The following C10orf90 variants were observed in gnomAD, a reference collection of about 807,000 sequenced individuals.
The protein encoded by C10orf90 is chromosome 10 open reading frame 90, also known as (E2-independent) E3 ubiquitin-conjugating enzyme FATS.
In C10orf90, 56 loss-of-function variants were observed where a neutral mutation model predicts 62.5. The ratio of observed to expected loss-of-function variants is 0.90; its 90% CI spans 0.72 to 1.12. The LOEUF is 1.12. Ranked by LOEUF, C10orf90 falls within the 50% of genes most tolerant of loss-of-function variation. C10orf90 has a pLI of 0.00. For missense variants in C10orf90, 970 were observed against 880.4 expected (o/e 1.10, Z -1.29); for synonymous variants, 386 against 340.4 (o/e 1.13, Z -1.47).
intron 2 of C10orf90, among the ~76,000 whole-genome samples, chr10:126,583,774 C>T (rs1420850232): frequency 1.3e-5 from 2 of 152,152 alleles, no homozygotes; most frequent in South Asian, 2.1e-4. Context: ...TGCTCACATT[C>T]CCAGTGCCAA....
intron 4 of C10orf90, among the ~76,000 whole-genome samples, chr10:126,467,279 C>A (rs1860343607): frequency 6.6e-6 from 1 of 152,180 alleles, no homozygotes; most frequent in African/African-American, 2.4e-5. Flanking sequence ...AAGAAATATG[C>A]AGCCAAAGAA....
intron 2 of C10orf90, among the ~76,000 whole-genome samples, chr10:126,596,917 GACAT>G (rs1268225218): frequency 6.6e-6 from 1 of 152,102 alleles, no homozygotes; most frequent in African/African-American, 2.4e-5. Flanking sequence ...ACTTCATAAA[GACAT>G]ACAAATGACA....
chr10:126,428,108 C>T lies in C10orf90; in HGVS notation c.2252+1679G>A, dbSNP rs1318007720. Among the ~76,000 whole-genome samples the T allele has an allele frequency of 1.3e-5, 2 of 152,062 alleles. 1 individual carries two copies. The highest frequency in any genetic ancestry group is 4.2e-4 in the South Asian group (2 of 4,812). On this transcript the variant is annotated intron_variant, in intron 8 of 9. Transcript: ENST00000488181. The stretch of plus-strand genomic sequence containing the variant: ...ATCTATCTATTCGTCACAGAAGGGG[C>T]TCACAGACATAAAGTGAAAAGCAAG...
chr10:126,483,268 G>A (rs913646398), intron 4 of C10orf90, among the ~76,000 whole-genome samples: 1 of 152,198 alleles, frequency 6.6e-6, no homozygotes, highest in African/African-American at 2.4e-5. Context: ...TTCATACTTG[G>A]CATTCTGGTC....
At chr10:126,637,377 C>T (rs938428672) in intron 2 of C10orf90, among the ~76,000 whole-genome samples, 22 of 152,328 alleles carry the variant, frequency 1.4e-4, no homozygotes, top group African/African-American at 5.1e-4. Flanking sequence ...GCTCCTACCT[C>T]CCACCAGCCA....
intron 2 of C10orf90, among the ~76,000 whole-genome samples, chr10:126,522,260 C>T (rs4962572): frequency 0.89 from 134,809 of 152,002 alleles, 59,964 homozygotes; most frequent in African/African-American, 0.96. Flanking sequence ...AAGAGTGAAA[C>T]TCCATTTCAA....
At chr10:126,576,382 A>G (rs1303978688) in intron 2 of C10orf90, among the ~76,000 whole-genome samples, 1 of 151,084 alleles carries the variant, frequency 6.6e-6, no homozygotes, top group Non-Finnish European at 1.5e-5. Flanking sequence ...ATCTCACTCT[A>G]GTTAAAATGG....
chr10:126,445,805 G>GTATATATATATATA lies in C10orf90; in HGVS notation c.2188+13221_2188+13234dup, dbSNP rs71029302. Among the ~76,000 whole-genome samples the GTATATATATATATA allele has an allele frequency of 3.9e-3, 388 of 100,720 alleles. 6 individuals are homozygous for GTATATATATATATA. Among genetic ancestry groups the GTATATATATATATA allele is most frequent in the African/African-American group, 0.011 (290 of 25,734 alleles). 66.1% of individuals were successfully genotyped at this position (100,720 alleles called of 152,430 possible). A position where few individuals can be genotyped will look rare whatever the true frequency, so the allele number is the denominator to read the frequency against. Reference sequence around the variant, plus strand: ...AATGAGTAGATAAAGAAACTGTGGTGTATATATATATATATATATATACAA... The same window carrying GTATATATATATATA: ...AATGAGTAGATAAAGAAACTGTGGTGTATATATATATATATATATATATATATATATATATACAA... On this transcript the variant is annotated intron_variant, in intron 7 of 9. Transcript: ENST00000488181.
intron 4 of C10orf90, among the ~76,000 whole-genome samples, chr10:126,472,765 C>T (rs1488124474): frequency 6.6e-6 from 1 of 152,160 alleles, no homozygotes; most frequent in Non-Finnish European, 1.5e-5. Context: ...GAAATGTCTG[C>T]TCAGGACCAG....
intron 2 of C10orf90, among the ~76,000 whole-genome samples, chr10:126,518,268 C>A (rs955426416): frequency 2.6e-5 from 4 of 152,290 alleles, no homozygotes; most frequent in African/African-American, 7.2e-5. Context: ...CACATACTGA[C>A]CTGCAGACCT....
Position 126,626,128 on chromosome 10 carries a change from C to CAAAAAA in C10orf90, c.313+20431_313+20436dup, listed in dbSNP as rs35587001. On this transcript the variant is annotated intron_variant, in intron 2 of 9. Transcript: ENST00000488181. ...TGGGCAACACAGCGAGATTCCATCT[C>CAAAAAA]AAAAAAAAAAAAAAAAAAAAGTGAG... Among the ~76,000 whole-genome samples the CAAAAAA allele has an allele frequency of 2.6e-3, 288 of 109,878 alleles. 2 individuals are homozygous for CAAAAAA. Among genetic ancestry groups the CAAAAAA allele is most frequent in the African/African-American group, 9.6e-3 (278 of 29,064 alleles). The allele number at this position is 109,878 out of a possible 152,430, so 72.1% of individuals were successfully genotyped here. A position where few individuals can be genotyped will look rare whatever the true frequency, so the allele number is the denominator to read the frequency against.
intron 4 of C10orf90, among the ~76,000 whole-genome samples, chr10:126,475,367 C>T (rs1860802490): frequency 6.6e-6 from 1 of 152,100 alleles, no homozygotes; most frequent in African/African-American, 2.4e-5. Context: ...CAGGATGGTC[C>T]ACACACAAGC....
At chr10:126,516,163 T>G (rs1863428410) in intron 2 of C10orf90, among the ~76,000 whole-genome samples, 1 of 152,232 alleles carries the variant, frequency 6.6e-6, no homozygotes, top group South Asian at 2.1e-4. Context: ...ATGGGCTGTG[T>G]ACCCTTTCTG....
intron 1 of C10orf90, among the ~76,000 whole-genome samples, chr10:126,657,620 CTTTTTTTTTTTT>C (rs1846422372): frequency 8.3e-6 from 1 of 120,296 alleles, no homozygotes; most frequent in African/African-American, 3.0e-5. Context: ...TTTTTTTTTT[CTTTTTTTTTTTT>C]GAGACAGAGT....
At chr10:126,437,130 G>T (rs141716779) in intron 7 of C10orf90, among the ~76,000 whole-genome samples, 153 of 152,234 alleles carry the variant, frequency 1.0e-3, no homozygotes, top group South Asian at 1.9e-3. Flanking sequence ...CTCTTTACAG[G>T]GGTTTTGTGT....
chr10:126,439,517 T>G (rs1858161071), intron 7 of C10orf90, among the ~76,000 whole-genome samples: 1 of 152,018 alleles, frequency 6.6e-6, no homozygotes, highest in African/African-American at 2.4e-5. Context: ...TCAAAATAAT[T>G]GTTTTAAGGA....
intron 2 of C10orf90, among the ~76,000 whole-genome samples, chr10:126,640,789 C>G (rs1291510901): frequency 6.6e-6 from 1 of 152,202 alleles, no homozygotes; most frequent in African/African-American, 2.4e-5. Context: ...TGGAGAAAAA[C>G]CCAGAAGGAT....
At position 126,504,179 on chromosome 10, in the gene C10orf90, C is replaced by A. The variant is rs758969219; in HGVS notation, c.1312G>T (p.Glu438Ter). ...GATGGGGTTTCCTTCAAGTGACTTT[C>A]TTGTAAACCTGGGTTCCAGCGCTGG... ...VGQRWNPGLQ[E>*]SHLKETPSLR... Residue 438 changes from glutamate (E) to a stop codon, truncating the protein, a stop_gained, in exon 4 of 10, where the codon GAA (glutamate) becomes TAA (stop). Transcript: ENST00000488181. LOFTEE classifies it high-confidence loss of function. The surrounding 1 kb of genome is among the most constrained non-coding windows in gnomAD (Gnocchi z 4.1). 3 of 1,614,146 alleles carry A rather than the reference C, an allele frequency of 1.9e-6. No homozygotes were observed. Among genetic ancestry groups the A allele is most frequent in the Non-Finnish European group, 2.5e-6 (3 of 1,180,030 alleles).
intron 3 of C10orf90, among the ~76,000 whole-genome samples, chr10:126,507,356 C>CAAAAA (rs1204374185): frequency 5.8e-5 from 4 of 69,026 alleles, no homozygotes; most frequent in African/African-American, 1.1e-4. Flanking sequence ...GACTCCATCT[C>CAAAAA]AAAAAAAAAA....
Sources: gnomAD v4.1 joint callset for allele counts (sites outside exome capture counted in the v4.1 genomes callset) on GRCh38, gnomAD v4.1.1 for gene constraint, Gnocchi (gnomAD v3.1) non-coding constraint, MANE v1.5 for transcripts, NCBI Gene and HGNC (gene_info 2026-07-23, HGNC 2026-07-21) for gene names.